Variants in HEATR1 observed in about 807,000 individuals in gnomAD.
HEATR1 encodes HEAT repeat containing 1.
A neutral mutation model predicts 248.2 loss-of-function variants in HEATR1; 77 were observed. That is an observed-to-expected ratio of 0.31 (90% confidence interval 0.26 to 0.37). HEATR1 has a LOEUF of 0.37. HEATR1 is among the 10% of genes least tolerant of loss of function. The pLI, the probability that HEATR1 is intolerant of heterozygous loss-of-function variation, is 1.00. For missense variants in HEATR1, 2,420 were observed against 2,504.9 expected, an observed-to-expected ratio of 0.97 and a Z score of 0.72; for synonymous variants, 897 against 923.1, an observed-to-expected ratio of 0.97 and a Z score of 0.51.
chr1:236,578,428 A>G (rs754403810), intron 20 of HEATR1, among the ~76,000 whole-genome samples: 12 of 152,224 alleles, frequency 7.9e-5, no homozygotes, highest in Non-Finnish European at 1.3e-4. Flanking sequence ...TTGTTTTCCC[A>G]ATTATGAAGT....
At chr1:236,555,149 C>A in intron 41 of HEATR1, 147 bp downstream of exon 41, 1 of 774,040 alleles carries the variant, frequency 1.3e-6, no homozygotes, top group Non-Finnish European at 2.1e-6. Context: ...CACTGTCTGA[C>A]AACAATGAAG....
chr1:236,575,037 T>TA, intron 22 of HEATR1, 134 bp from the exon 23 acceptor site: 1 of 763,722 alleles, frequency 1.3e-6, no homozygotes, highest in South Asian at 2.0e-5. Context: ...GGTAACTTCT[T>TA]AGACATGGAG....
At chr1:236,588,584 C>T (rs1663953165) in intron 12 of HEATR1, among the ~76,000 whole-genome samples, 2 of 152,128 alleles carry the variant, frequency 1.3e-5, no homozygotes, top group Non-Finnish European at 2.9e-5. Context: ...CTAGTATTAT[C>T]TAAATTTTTA....
chr1:236,566,139 G>C (rs1663262048), intron 30 of HEATR1, 94 bp from the exon 31 acceptor site: 2 of 1,240,830 alleles, frequency 1.6e-6, no homozygotes, highest in African/African-American at 1.5e-5. Flanking sequence ...TAGCAGAACA[G>C]AGTATACTAC....
rs886330246 is a variant in HEATR1 at position 236,568,987 on chromosome 1, A to C, written c.4077+9T>G. 4 of 1,544,372 alleles carry C rather than the reference A, an allele frequency of 2.6e-6. No homozygotes were observed. The highest frequency in any genetic ancestry group is 3.5e-6 in the Non-Finnish European group (4 of 1,151,328). On this transcript the variant is annotated intron_variant, in intron 29 of 44. Transcript: ENST00000366582. Reference sequence around the variant, plus strand: ...AAAGAAACCCCACGATGGTATAAAGAGACCTTACCTGAATAAGTGCGGGAA... The same window carrying C: ...AAAGAAACCCCACGATGGTATAAAGCGACCTTACCTGAATAAGTGCGGGAA...
At chr1:236,558,913 C>T (rs1663049995) in intron 35 of HEATR1, 82 bp downstream of exon 35, 1 of 1,167,462 alleles carries the variant, frequency 8.6e-7, no homozygotes, top group Non-Finnish European at 1.2e-6. Flanking sequence ...AATTGTACCA[C>T]TAGAGAAATT....
Position 236,586,273 on chromosome 1 carries a change from G to A in HEATR1, c.1895C>T (p.Ser632Phe), listed in dbSNP as rs750336767. ...AIYLSKSGIC[S>F]LHPLLRGWEE... ...CCAGCCTCTTAATAGAGGGTGCAGG[G>A]AGCAGATTCCTGATTTTGATAAATA... The change falls in exon 15 of 45, where the codon TCC becomes TTC. Residue 632 changes from serine to phenylalanine, a missense_variant. Physicochemically the swap from Ser to Phe is radical, Grantham distance 155 (BLOSUM62 -2). Transcript: ENST00000366582. The A allele has an allele frequency of 1.2e-6, 2 of 1,612,840 alleles. No homozygotes were observed. The highest frequency in any genetic ancestry group is 2.2e-5 in the South Asian group (2 of 91,006).
chr1:236,590,238 GT>G (rs113697446), intron 12 of HEATR1, among the ~76,000 whole-genome samples: 3 of 150,988 alleles, frequency 2.0e-5, no homozygotes, highest in African/African-American at 4.9e-5. Flanking sequence ...AAATTTCTCG[GT>G]TTTTTTTTGA....
chr1:236,553,380 T>C (rs1662840355), intron 43 of HEATR1, among the ~76,000 whole-genome samples: 1 of 152,202 alleles, frequency 6.6e-6, no homozygotes, highest in South Asian at 2.1e-4. Flanking sequence ...TCTTTACAAA[T>C]AGCCTGTAAG....
intron 3 of HEATR1, among the ~76,000 whole-genome samples, chr1:236,600,539 ATTT>A (rs112529952): frequency 7.3e-6 from 1 of 137,272 alleles, no homozygotes; most frequent in South Asian, 2.4e-4. Flanking sequence ...CTTTTATTAG[ATTT>A]TTTTTTTTTT....
intron 22 of HEATR1, 84 bp downstream of exon 22, chr1:236,576,135 C>A (rs780284945): frequency 3.8e-5 from 40 of 1,064,226 alleles, no homozygotes; most frequent in Non-Finnish European, 4.9e-5. Context: ...GCAACTCTTA[C>A]AATTGTCTTC....
In HEATR1 at chr1:236,585,219, T is replaced by G; in HGVS notation, c.2050-3A>C. On this transcript the variant is annotated splice_polypyrimidine_tract_variant and splice_region_variant and intron_variant, in intron 16 of 44. Transcript: ENST00000366582. ...CCCACGCTTATTAAATCCTCCACCTTGAAAAATAAACACACTCTATTACCA... is the reference window on the plus strand; with the variant it reads ...CCCACGCTTATTAAATCCTCCACCTGGAAAAATAAACACACTCTATTACCA... The G allele has an allele frequency of 6.2e-7, 1 of 1,601,244 alleles. No homozygotes were observed.
intron 20 of HEATR1, among the ~76,000 whole-genome samples, chr1:236,580,789 CTA>C (rs1248478277): frequency 6.7e-6 from 1 of 149,196 alleles, no homozygotes; most frequent in East Asian, 2.0e-4. Flanking sequence ...AGTGCTGAGA[CTA>C]TAGGTGTAAG....
At chr1:236,585,981 C>T in intron 15 of HEATR1, 40 bp from the exon 16 acceptor site, 1 of 1,607,458 alleles carries the variant, frequency 6.2e-7, no homozygotes, top group Non-Finnish European at 8.5e-7. Context: ...CTTATGTCAC[C>T]AACACTCAAA....
intron 29 of HEATR1, among the ~76,000 whole-genome samples, chr1:236,568,652 T>A (rs192859266): frequency 1.0e-3 from 155 of 152,304 alleles, no homozygotes; most frequent in Middle Eastern, 6.8e-3. Context: ...GAAGGTATTA[T>A]CAAACTGATG....
At chr1:236,592,502 A>T in intron 10 of HEATR1, 21 bp downstream of exon 10, 1 of 959,200 alleles carries the variant, frequency 1.0e-6, no homozygotes, top group Non-Finnish European at 1.7e-6. Flanking sequence ...AGAAGAGCAT[A>T]AACATACACA....
At chr1:236,557,421 A>G (rs1244839253) in intron 36 of HEATR1, 76 bp from the exon 37 acceptor site, 4 of 1,488,728 alleles carry the variant, frequency 2.7e-6, no homozygotes, top group Non-Finnish European at 3.7e-6. Flanking sequence ...GGGCATTATG[A>G]AAAAAACCAG....
At chr1:236,601,360 C>A (rs1396803657) in intron 3 of HEATR1, among the ~76,000 whole-genome samples, 1 of 152,022 alleles carries the variant, frequency 6.6e-6, no homozygotes, top group Admixed American at 6.6e-5. Context: ...AATTCTCCTG[C>A]CTCAGCCTCC....
chr1:236,601,772 G>A lies in HEATR1; in HGVS notation c.359+1388C>T, dbSNP rs565516349. Among the ~76,000 whole-genome samples the A allele has an allele frequency of 2.6e-5, 4 of 152,144 alleles. No homozygotes were observed. In the East Asian group the frequency reaches 7.7e-4, roughly 29 times the overall value. ...GGATCATTTGAGCCCTGGAGATCGAGTGGGCCACGATCACACCACTGCACT... is the reference window on the plus strand; with the variant it reads ...GGATCATTTGAGCCCTGGAGATCGAATGGGCCACGATCACACCACTGCACT... On this transcript the variant is annotated intron_variant, in intron 3 of 44. Coordinates refer to ENST00000366582, the MANE Select transcript of HEATR1 (RefSeq NM_018072.6).
Sources: allele counts gnomAD v4.1 joint callset (sites outside exome capture counted in the v4.1 genomes callset), GRCh38; gene constraint gnomAD v4.1.1; transcripts MANE v1.5; gene names NCBI Gene and HGNC (gene_info 2026-07-23, HGNC 2026-07-21).